The following CSTPP1 variants were observed in gnomAD, a reference collection of about 807,000 sequenced individuals.
CSTPP1 encodes centriolar satellite-associated tubulin polyglutamylase complex regulator 1.
At chr11:47,095,018 T>G in the CSTPP1 span, among the ~76,000 whole-genome samples, 67 of 152,340 alleles carry the variant, frequency 4.4e-4, 1 homozygote, top group Middle Eastern at 0.02. Flanking sequence ...ATTTTACTGA[T>G]TTGACTTAAA....
At chr11:46,939,303 G>A in the CSTPP1 span, among the ~76,000 whole-genome samples, 1 of 151,514 alleles carries the variant, frequency 6.6e-6, no homozygotes, top group African/African-American at 2.4e-5. Flanking sequence ...TGGTCAGGCT[G>A]GTCTCAAACT....
At chr11:47,065,757 T>A in the CSTPP1 span, among the ~76,000 whole-genome samples, 403 of 152,048 alleles carry the variant, frequency 2.7e-3, 4 homozygotes, top group African/African-American at 4.5e-3. Flanking sequence ...TATTATTATT[T>A]TTTTGAGACA....
At chr11:47,142,919 A>C in the CSTPP1 span, among the ~76,000 whole-genome samples, 1 of 152,152 alleles carries the variant, frequency 6.6e-6, no homozygotes, top group South Asian at 2.1e-4. Flanking sequence ...TTTGACAGAC[A>C]CCTCAGACCT....
At chr11:47,054,928 ATTTTTTTTTTTTTTTT>A in the CSTPP1 span, among the ~76,000 whole-genome samples, 9 of 68,784 alleles carry the variant, frequency 1.3e-4, no homozygotes, top group East Asian at 1.4e-3. Flanking sequence ...ATAAATTTCA[ATTTTTTTTTTTTTTTT>A]TTTTTTTTTT....
chr11:47,161,841 C>T, the CSTPP1 span: 13 of 1,373,192 alleles, frequency 9.5e-6, no homozygotes, highest in Non-Finnish European at 1.2e-5. Context: ...CTCTCCCTGG[C>T]CCTATCAGCC....
At chr11:46,944,414 T>C in the CSTPP1 span, among the ~76,000 whole-genome samples, 1 of 152,142 alleles carries the variant, frequency 6.6e-6, no homozygotes, top group South Asian at 2.1e-4. Flanking sequence ...TAGCTGCTAG[T>C]GTTATTACCA....
the CSTPP1 span, among the ~76,000 whole-genome samples, chr11:47,112,938 C>T: frequency 6.6e-6 from 1 of 152,024 alleles, no homozygotes; most frequent in African/African-American, 2.4e-5. Flanking sequence ...TTTGCTGCAC[C>T]CGTCAACTCA....
the CSTPP1 span, among the ~76,000 whole-genome samples, chr11:47,104,074 G>T: frequency 1.3e-5 from 2 of 152,154 alleles, no homozygotes; most frequent in African/African-American, 4.8e-5. Flanking sequence ...GAGAATCAGA[G>T]ATTATTTCTC....
the CSTPP1 span, among the ~76,000 whole-genome samples, chr11:46,969,412 T>C: frequency 6.6e-6 from 1 of 152,236 alleles, no homozygotes; most frequent in African/African-American, 2.4e-5. Flanking sequence ...TGTTTGCTGA[T>C]GAGAATATGA....
the CSTPP1 span, among the ~76,000 whole-genome samples, chr11:47,018,632 A>T: frequency 6.6e-6 from 1 of 152,178 alleles, no homozygotes; most frequent in East Asian, 1.9e-4. Context: ...TGTTGTCCAG[A>T]GTGGCTGTAC....
the CSTPP1 span, among the ~76,000 whole-genome samples, chr11:47,070,171 A>G: frequency 1.3e-5 from 2 of 152,102 alleles, no homozygotes; most frequent in Admixed American, 1.3e-4. Flanking sequence ...ACATAAGTGC[A>G]CTATGAATGT....
chr11:47,060,773 C>T, the CSTPP1 span, among the ~76,000 whole-genome samples: 1 of 152,076 alleles, frequency 6.6e-6, no homozygotes, highest in Admixed American at 6.6e-5. Flanking sequence ...AACCAGATAC[C>T]ACTGGTTCCC....
the CSTPP1 span, among the ~76,000 whole-genome samples, chr11:47,121,401 A>C: frequency 6.6e-6 from 1 of 152,130 alleles, no homozygotes; most frequent in Non-Finnish European, 1.5e-5. Context: ...TGACATTTAG[A>C]TATTTGGCAT....
At chr11:47,002,459 C>A in the CSTPP1 span, among the ~76,000 whole-genome samples, 121 of 152,262 alleles carry the variant, frequency 7.9e-4, no homozygotes, top group African/African-American at 2.7e-3. Context: ...CTTCTTCAGT[C>A]CCTTTGTATT....
At chr11:47,041,958 C>T in the CSTPP1 span, 4 of 233,852 alleles carry the variant, frequency 1.7e-5, 1 homozygote, top group Non-Finnish European at 3.6e-5. Context: ...TGGAGGCTGA[C>T]TTTGGGAGAC....
At chr11:47,031,365 T>G in the CSTPP1 span, among the ~76,000 whole-genome samples, 1 of 152,190 alleles carries the variant, frequency 6.6e-6, no homozygotes, top group African/African-American at 2.4e-5. Flanking sequence ...TTAACACAGC[T>G]CCTGCTGTGT....
the CSTPP1 span, chr11:47,162,204 A>T: frequency 1.0e-6 from 1 of 985,398 alleles, no homozygotes; most frequent in African/African-American, 1.7e-5. Flanking sequence ...TCTAATAGCT[A>T]AACAAACATG....
chr11:47,132,317 A>T, the CSTPP1 span, among the ~76,000 whole-genome samples: 1 of 152,144 alleles, frequency 6.6e-6, no homozygotes, highest in African/African-American at 2.4e-5. Context: ...TCATTCCTTC[A>T]ACAGGTGTTT....
chr11:47,098,527 A>C, the CSTPP1 span, among the ~76,000 whole-genome samples: 6 of 144,652 alleles, frequency 4.1e-5, no homozygotes, highest in Non-Finnish European at 3.0e-5. Flanking sequence ...TTTTTTGGAG[A>C]TGGAGTTTCG....
Sources: allele counts gnomAD v4.1 joint callset (sites outside exome capture counted in the v4.1 genomes callset), GRCh38; gene constraint gnomAD v4.1.1; transcripts MANE v1.5; gene names NCBI Gene and HGNC (gene_info 2026-07-23, HGNC 2026-07-21).